Variants in CNTN5 observed in about 807,000 individuals in gnomAD.
The protein encoded by CNTN5 is contactin-5.
Under a neutral mutation model 129.1 loss-of-function variants are expected in CNTN5, and 77 were observed. The ratio of observed to expected loss-of-function variants is 0.60; its 90% CI spans 0.50 to 0.72. The LOEUF is 0.72. CNTN5 is among the 30% of genes least tolerant of loss of function. CNTN5 has a pLI of 0.00. For missense variants in CNTN5, 1,478 were observed against 1,328.8 expected, an observed-to-expected ratio of 1.11 and a Z score of -1.75; for synonymous variants, 509 against 465.6, an observed-to-expected ratio of 1.09 and a Z score of -1.20.
At chr11:100,114,648 C>A (rs1945777969) in intron 13 of CNTN5, among the ~76,000 whole-genome samples, 1 of 151,646 alleles carries the variant, frequency 6.6e-6, no homozygotes, top group Non-Finnish European at 1.5e-5. Context: ...AGTTTTTTTT[C>A]CTTCTGCTCA....
chr11:99,820,667 G>A (rs1432250264), intron 4 of CNTN5, among the ~76,000 whole-genome samples: 1 of 123,872 alleles, frequency 8.1e-6, no homozygotes, highest in East Asian at 2.1e-4. Context: ...CAACACATAT[G>A]TGAAGTAGAT....
chr11:99,031,420 A>C (rs1013242985), intron 1 of CNTN5, among the ~76,000 whole-genome samples: 1 of 152,310 alleles, frequency 6.6e-6, no homozygotes, highest in African/African-American at 2.4e-5. Context: ...AAGATATAAT[A>C]TAGTAGAAAG....
intron 21 of CNTN5, among the ~76,000 whole-genome samples, chr11:100,334,929 T>TA (rs1385672432): frequency 6.2e-5 from 6 of 97,288 alleles, no homozygotes; most frequent in South Asian, 5.9e-4. Flanking sequence ...CCTGTTGAAA[T>TA]AAAAAAAATG....
chr11:99,252,603 T>C (rs1862169200), intron 1 of CNTN5, among the ~76,000 whole-genome samples: 1 of 151,966 alleles, frequency 6.6e-6, no homozygotes, highest in Admixed American at 6.6e-5. Flanking sequence ...TCACAAACGC[T>C]TGATATTAAA....
intron 6 of CNTN5, among the ~76,000 whole-genome samples, chr11:99,865,357 T>C (rs1948327129): frequency 1.3e-5 from 2 of 151,930 alleles, no homozygotes; most frequent in Non-Finnish European, 2.9e-5. Context: ...ACAAAAAAAA[T>C]GCCAGGAATC....
intron 3 of CNTN5, among the ~76,000 whole-genome samples, chr11:99,714,564 G>C (rs1172455446): frequency 6.6e-6 from 1 of 151,700 alleles, no homozygotes; most frequent in Non-Finnish European, 1.5e-5. Flanking sequence ...GTGCCATGCT[G>C]GTTTTTTAAC....
At chr11:99,236,497 CAGAG>C (rs1265351539) in intron 1 of CNTN5, among the ~76,000 whole-genome samples, 44 of 132,578 alleles carry the variant, frequency 3.3e-4, no homozygotes, top group African/African-American at 1.2e-3. Flanking sequence ...CACACACACA[CAGAG>C]AGAGAGAGAG....
At chr11:99,868,162 G>T (rs1948405141) in intron 6 of CNTN5, among the ~76,000 whole-genome samples, 1 of 151,860 alleles carries the variant, frequency 6.6e-6, no homozygotes, top group South Asian at 2.1e-4. Flanking sequence ...GTTGTGATGA[G>T]CTGAGAACGT....
intron 3 of CNTN5, among the ~76,000 whole-genome samples, chr11:99,715,967 T>C (rs1050775255): frequency 1.3e-5 from 2 of 151,940 alleles, no homozygotes; most frequent in African/African-American, 4.8e-5. Context: ...TATAAATTTA[T>C]TTCCCAAAAT....
At chr11:100,235,139 T>C (rs1287116393) in intron 16 of CNTN5, among the ~76,000 whole-genome samples, 1 of 152,212 alleles carries the variant, frequency 6.6e-6, no homozygotes, top group African/African-American at 2.4e-5. Flanking sequence ...TGGAAGTACA[T>C]TGTATCTGTT....
intron 2 of CNTN5, among the ~76,000 whole-genome samples, chr11:99,449,099 A>T (rs540399712): frequency 6.6e-6 from 1 of 152,188 alleles, no homozygotes; most frequent in African/African-American, 2.4e-5. Flanking sequence ...GTTTTATATA[A>T]CAATTCTCAA....
At chr11:99,465,076 A>T (rs944671645) in intron 2 of CNTN5, among the ~76,000 whole-genome samples, 1 of 152,258 alleles carries the variant, frequency 6.6e-6, no homozygotes, top group Non-Finnish European at 1.5e-5. Flanking sequence ...ATGCAGAAAA[A>T]TGTATGCAAG....
chr11:99,634,350 T>C (rs1201533718), intron 3 of CNTN5, among the ~76,000 whole-genome samples: 5 of 152,154 alleles, frequency 3.3e-5, no homozygotes. Context: ...CACATATTAC[T>C]AACAAGTCAA....
At chr11:99,172,107 T>G (rs910093090) in intron 1 of CNTN5, among the ~76,000 whole-genome samples, 7 of 152,302 alleles carry the variant, frequency 4.6e-5, no homozygotes, top group Middle Eastern at 3.4e-3. Context: ...GCAGATATAG[T>G]GAGAAGCAGC....
chr11:99,403,970 T>A (rs1356009390), intron 2 of CNTN5, among the ~76,000 whole-genome samples: 1 of 152,158 alleles, frequency 6.6e-6, no homozygotes, highest in Non-Finnish European at 1.5e-5. Flanking sequence ...TCTCCAACTA[T>A]CATTGTATTG....
chr11:100,156,548 T>C (rs1436660080), intron 13 of CNTN5, among the ~76,000 whole-genome samples: 1 of 152,136 alleles, frequency 6.6e-6, no homozygotes, highest in African/African-American at 2.4e-5. Context: ...CCTCTTTTTC[T>C]ATTGTTTGGA....
chr11:99,380,628 G>T (rs1274799566), intron 2 of CNTN5, among the ~76,000 whole-genome samples: 1 of 151,786 alleles, frequency 6.6e-6, no homozygotes, highest in East Asian at 1.9e-4. Context: ...AATTAGCTGG[G>T]CGTTGTGGTG....
At chr11:99,887,797 T>G (rs537667619) in intron 6 of CNTN5, among the ~76,000 whole-genome samples, 1 of 152,194 alleles carries the variant, frequency 6.6e-6, no homozygotes, top group African/African-American at 2.4e-5. Context: ...ACTAAGCAAG[T>G]GTAGTTCTTC....
intron 1 of CNTN5, among the ~76,000 whole-genome samples, chr11:99,303,484 A>C (rs1367995650): frequency 1.3e-5 from 2 of 150,950 alleles, no homozygotes; most frequent in African/African-American, 4.9e-5. Flanking sequence ...ATGGCAGCAT[A>C]ATTATATCTA....
Sources: gnomAD v4.1 joint callset for allele counts (sites outside exome capture counted in the v4.1 genomes callset) on GRCh38, gnomAD v4.1.1 for gene constraint, MANE v1.5 for transcripts, NCBI Gene and HGNC (gene_info 2026-07-23, HGNC 2026-07-21) for gene names.